TRIO: variants seen among roughly 807,000 people sequenced by gnomAD.
The protein encoded by TRIO is trio Rho guanine nucleotide exchange factor, also known as triple functional domain protein.
In TRIO, 58 loss-of-function variants were observed where a neutral mutation model predicts 351.9. That is an observed-to-expected ratio of 0.16 (90% confidence interval 0.13 to 0.21). The LOEUF (loss-of-function observed/expected upper bound fraction) is 0.21, where lower values mean the gene tolerates loss of function less well. TRIO is among the 10% of genes least tolerant of loss of function. TRIO has a pLI of 1.00. For missense variants in TRIO, 3,201 were observed against 4,027.8 expected (o/e 0.79, Z 5.56); for synonymous variants, 1,758 against 1,595.7 (o/e 1.10, Z -2.42).
chr5:14,239,415 T>C (rs1200967013), intron 1 of TRIO, among the ~76,000 whole-genome samples: 1 of 152,196 alleles, frequency 6.6e-6, no homozygotes, highest in Non-Finnish European at 1.5e-5. Flanking sequence ...TTGGTGTCTC[T>C]ACTAACAGAA....
At chr5:14,187,139 G>T (rs146672913) in intron 1 of TRIO, among the ~76,000 whole-genome samples, 43 of 152,290 alleles carry the variant, frequency 2.8e-4, no homozygotes, top group African/African-American at 1.0e-3. Flanking sequence ...GGGAATGTCG[G>T]TTCTGGTCTC....
intron 1 of TRIO, among the ~76,000 whole-genome samples, chr5:14,186,140 A>G (rs1369947848): frequency 1.3e-5 from 2 of 152,226 alleles, no homozygotes; most frequent in Non-Finnish European, 2.9e-5. Context: ...CAAGTGTGAC[A>G]TTTTAAACCA....
At chr5:14,196,522 G>A (rs1339482349) in intron 1 of TRIO, among the ~76,000 whole-genome samples, 1 of 151,884 alleles carries the variant, frequency 6.6e-6, no homozygotes, top group Non-Finnish European at 1.5e-5. Flanking sequence ...TCATTTGAGA[G>A]CATTCATGTT....
chr5:14,302,623 A>G (rs1421163995), intron 7 of TRIO, among the ~76,000 whole-genome samples: 6 of 152,354 alleles, frequency 3.9e-5, no homozygotes, highest in Middle Eastern at 3.4e-3. Context: ...TGCACTCAAC[A>G]ATAAAAGGAT....
At chr5:14,477,902 G>A (rs1298315077) in intron 41 of TRIO, among the ~76,000 whole-genome samples, 1 of 152,144 alleles carries the variant, frequency 6.6e-6, no homozygotes, top group East Asian at 1.9e-4. Context: ...AGTTCAGAGT[G>A]GCAGATACAT....
At chr5:14,218,230 G>C (rs1171374523) in intron 1 of TRIO, among the ~76,000 whole-genome samples, 1 of 152,200 alleles carries the variant, frequency 6.6e-6, no homozygotes. Context: ...CCCTTTGGCA[G>C]GTTGTTAGGA....
At chr5:14,305,282 A>G (rs1738262341) in intron 8 of TRIO, among the ~76,000 whole-genome samples, 2 of 152,180 alleles carry the variant, frequency 1.3e-5, no homozygotes, top group Non-Finnish European at 2.9e-5. Flanking sequence ...GTGCCATACC[A>G]CGTGGTAGCT....
intron 1 of TRIO, among the ~76,000 whole-genome samples, chr5:14,223,741 A>C (rs1007937421): frequency 4.6e-5 from 7 of 152,148 alleles, no homozygotes; most frequent in Non-Finnish European, 1.0e-4. Flanking sequence ...TTTTCATTTG[A>C]AGGTCATCAT....
At chr5:14,363,978 T>C (rs1215418256) in intron 14 of TRIO, 51 bp downstream of exon 14, 2 of 1,558,640 alleles carry the variant, frequency 1.3e-6, no homozygotes, top group African/African-American at 1.4e-5. Context: ...CATGTCGTCA[T>C]GGCAATTCGG....
chr5:14,202,775 G>A (rs1348800002), intron 1 of TRIO, among the ~76,000 whole-genome samples: 1 of 150,072 alleles, frequency 6.7e-6, no homozygotes, highest in Non-Finnish European at 1.5e-5. Flanking sequence ...CACTCTTCCG[G>A]CAGTGAGACA....
Position 14,390,145 on chromosome 5 carries a change from C to A in TRIO, c.4059-86C>A. On this transcript the variant is annotated intron_variant, in intron 25 of 56. Coordinates refer to ENST00000344204, the MANE Select transcript of TRIO (RefSeq NM_007118.4). The stretch of plus-strand genomic sequence containing the variant: ...CATGTTTTGTTCATTCTTTAGGGGG[C>A]ACAGATTTCTCAGTTTCTGGCATAT... 3.3e-6 allele frequency: 4 copies of A among 1,225,036 alleles called. No homozygotes were observed. The South Asian group carries it at 4.2e-5, about 13-fold the overall frequency. 75.9% of individuals were successfully genotyped at this position (1,225,036 alleles called of 1,614,324 possible).
At position 14,451,624 on chromosome 5, in the gene TRIO, A is replaced by G. The variant is rs1486869283; in HGVS notation, c.5204-9395A>G. Among the ~76,000 whole-genome samples, 2 of 152,260 alleles carry G rather than the reference A, an allele frequency of 1.3e-5. 1 individual carries two copies. The highest frequency in any genetic ancestry group is 2.9e-5 in the Non-Finnish European group (2 of 68,042). On this transcript the variant is annotated intron_variant, in intron 34 of 56. Transcript: ENST00000344204. ...TGAGAAATTGCTATAGGCCAGTTATACCTGATTACACCGGGACTGCCCTCT... is the reference window on the plus strand; with the variant it reads ...TGAGAAATTGCTATAGGCCAGTTATGCCTGATTACACCGGGACTGCCCTCT...
intron 15 of TRIO, among the ~76,000 whole-genome samples, chr5:14,366,384 C>T (rs1179033183): frequency 1.3e-5 from 2 of 151,940 alleles, no homozygotes; most frequent in East Asian, 3.9e-4. Flanking sequence ...TTATTCATAC[C>T]TTGGTTATTA....
intron 1 of TRIO, among the ~76,000 whole-genome samples, chr5:14,179,315 T>C (rs781667138): frequency 2.6e-5 from 4 of 152,220 alleles, no homozygotes; most frequent in Non-Finnish European, 5.9e-5. Flanking sequence ...AGGAATTGTT[T>C]TGTATTTGTT....
At chr5:14,460,616 ATTC>A (rs1228405050) in intron 34 of TRIO, among the ~76,000 whole-genome samples, 1 of 152,246 alleles carries the variant, frequency 6.6e-6, no homozygotes, top group Non-Finnish European at 1.5e-5. Context: ...CTTTAAATTC[ATTC>A]TTCTTTCTTG....
At chr5:14,488,339 T>G in intron 48 of TRIO, 79 bp downstream of exon 48, 5 of 1,486,388 alleles carry the variant, frequency 3.4e-6, no homozygotes, top group Non-Finnish European at 4.5e-6. Flanking sequence ...GCGGCTGTTC[T>G]CACTAACTCG....
chr5:14,258,868 C>T (rs55754427), intron 1 of TRIO, among the ~76,000 whole-genome samples: 2 of 152,294 alleles, frequency 1.3e-5, no homozygotes, highest in South Asian at 2.1e-4. Context: ...TTAGCTGTGC[C>T]GTGTCATTTC....
chr5:14,183,503 A>G (rs893225071), intron 1 of TRIO, among the ~76,000 whole-genome samples: 2 of 152,196 alleles, frequency 1.3e-5, no homozygotes, highest in African/African-American at 4.8e-5. Flanking sequence ...AAATGTAAAC[A>G]AATAAAGTAT....
In TRIO at chr5:14,482,727, A is replaced by G. The variant is rs141648983; in HGVS notation, c.6611A>G (p.Lys2204Arg). 8.8e-4 allele frequency: 1,424 copies of G among 1,610,070 alleles called. 2 individuals are homozygous for G. The highest frequency in any genetic ancestry group is 9.1e-4 in the Non-Finnish European group (1,069 of 1,177,582). The change falls in exon 46 of 57, where the codon AAG becomes AGG. Residue 2204 changes from lysine (K) to arginine (R), a missense_variant. Transcript: ENST00000344204. ...IVIFSEPLDK[K>R]KGFSMPGFLF... ...ATATTCAGCGAACCACTTGATAAAA[A>G]GAAGGGCTTCTCCATGCCGGGATTC...
Sources: allele counts gnomAD v4.1 joint callset (sites outside exome capture counted in the v4.1 genomes callset), GRCh38; gene constraint gnomAD v4.1.1; transcripts MANE v1.5; gene names NCBI Gene and HGNC (gene_info 2026-07-23, HGNC 2026-07-21).